Variants in GAK observed in about 807,000 individuals in gnomAD.
GAK encodes cyclin G associated kinase.
A neutral mutation model predicts 143.9 loss-of-function variants in GAK; 79 were observed. The observed-to-expected ratio is 0.55, with a 90% confidence interval of 0.46 to 0.66. GAK has a LOEUF of 0.66. Among genes scored for constraint, GAK ranks in the 30% least tolerant of loss-of-function variants. The pLI, the probability that GAK is intolerant of heterozygous loss-of-function variation, is 0.00. For missense variants in GAK, 1,693 were observed against 1,779.7 expected, an observed-to-expected ratio of 0.95 and a Z score of 0.88; for synonymous variants, 881 against 765.5, an observed-to-expected ratio of 1.15 and a Z score of -2.49.
intron 7 of GAK, among the ~76,000 whole-genome samples, chr4:895,291 A>G (rs1038524879): frequency 6.6e-6 from 1 of 152,260 alleles, no homozygotes; most frequent in East Asian, 1.9e-4. Context: ...CCAATATGTG[A>G]GCCCAGAGAA....
intron 24 of GAK, among the ~76,000 whole-genome samples, chr4:856,398 CCACCACAGCTGCT>C (rs6148269): frequency 0.41 from 35,066 of 85,808 alleles, 6,220 homozygotes; most frequent in South Asian, 0.63. Flanking sequence ...CACCTGCTCA[CCACCACAGCTGCT>C]CACCACAGCT....
intron 7 of GAK, 31 bp downstream of exon 7, chr4:896,429 G>C (rs1268961606): frequency 1.9e-6 from 3 of 1,589,380 alleles, no homozygotes; most frequent in Non-Finnish European, 2.6e-6. Context: ...CACGGAGCCA[G>C]GCACTGCCAC....
chr4:917,276 CAG>C (rs1723219815), intron 1 of GAK, among the ~76,000 whole-genome samples: 1 of 146,996 alleles, frequency 6.8e-6, no homozygotes, highest in Admixed American at 6.8e-5. Flanking sequence ...AGTTAGTGTA[CAG>C]AAAACTCTAG....
At chr4:895,203 G>A (rs1718539222) in intron 7 of GAK, among the ~76,000 whole-genome samples, 1 of 152,178 alleles carries the variant, frequency 6.6e-6, no homozygotes, top group Non-Finnish European at 1.5e-5. Context: ...GGCAGAAGCT[G>A]CAGGAAGCAG....
chr4:876,291 G>A (rs1713852163), intron 18 of GAK, among the ~76,000 whole-genome samples: 1 of 152,246 alleles, frequency 6.6e-6, no homozygotes. Flanking sequence ...GCCCGGGTGT[G>A]AGGGCTAAAT....
At chr4:864,448 G>T (rs542021290) in intron 23 of GAK, among the ~76,000 whole-genome samples, 1 of 152,314 alleles carries the variant, frequency 6.6e-6, no homozygotes, top group South Asian at 2.1e-4. Flanking sequence ...TGGCTTTCTA[G>T]GGGTGTTCGC....
chr4:859,186 G>A (rs754099749), intron 24 of GAK: 59 of 985,266 alleles, frequency 6.0e-5, no homozygotes, highest in African/African-American at 1.4e-4. Context: ...CGCCCGGGCC[G>A]GGCCTGAGGC....
At position 877,704 on chromosome 4, in the gene GAK, G is replaced by C. The variant is rs1199294338; in HGVS notation, c.1767C>G (p.Ser589Arg). ...AVVMTPVPLF[S>R]KQRSGCRPFC... ...AGGGCCTGCAGCCGCTCCTCTGCTT[G>C]CTGAACAGCGGCACGGGTGTCATGA... The change falls in exon 16 of 28, where the codon AGC becomes AGG. Residue 589 changes from serine (S) to arginine (R), a missense_variant. This residue lies in a region of GAK where 871 missense variants were observed against 991.0 expected (regional missense o/e 0.88). Transcript: ENST00000314167. 5 of 1,613,432 alleles carry C rather than the reference G, an allele frequency of 3.1e-6. No individual in the cohort carries two copies. Among genetic ancestry groups the C allele is most frequent in the Non-Finnish European group, 4.2e-6 (5 of 1,179,928 alleles).
intron 4 of GAK, among the ~76,000 whole-genome samples, chr4:905,221 C>A (rs1720839410): frequency 6.6e-6 from 1 of 152,212 alleles, no homozygotes; most frequent in Non-Finnish European, 1.5e-5. Context: ...GGGCCACCCC[C>A]ACACCGTGGA....
intron 1 of GAK, among the ~76,000 whole-genome samples, chr4:921,910 A>C (rs1723977205): frequency 6.6e-6 from 1 of 152,236 alleles, no homozygotes; most frequent in Non-Finnish European, 1.5e-5. Context: ...TGCAGATGGC[A>C]AAGAAGCACT....
intron 19 of GAK, 116 bp downstream of exon 19, chr4:870,595 C>A: frequency 9.5e-7 from 1 of 1,054,154 alleles, no homozygotes; most frequent in Non-Finnish European, 1.4e-6. Flanking sequence ...CTGCTCAGGG[C>A]CTGGGTGCAG....
rs752034665 is a variant in GAK at position 912,771 on chromosome 4, T to C, written c.231A>G (p.Glu77=). 2.7e-5 allele frequency: 44 copies of C among 1,613,718 alleles called. No individual in the cohort carries two copies. Among genetic ancestry groups the C allele is most frequent in the Middle Eastern group, 1.6e-4 (1 of 6,082 alleles). ...ALKRLLSNEE[E]KNRAIIQEVC... ...CTTCTTGAATGATGGCTCTGTTCTT[T>C]TCCTCTTCATTGGATAATAGCCTCT... The change falls in exon 3 of 28, where the codon GAA becomes GAG. Residue 77 remains glutamate (E), a synonymous_variant. Coordinates refer to ENST00000314167, the MANE Select transcript of GAK (RefSeq NM_005255.4).
intron 1 of GAK, chr4:914,161 C>A (rs1394395697): frequency 7.2e-6 from 1 of 138,644 alleles, no homozygotes; most frequent in Non-Finnish European, 1.2e-5. Flanking sequence ...CCCCCACACA[C>A]ACAGCCCCAG....
chr4:884,405 C>T (rs1715831053), intron 11 of GAK: 3 of 318,190 alleles, frequency 9.4e-6, no homozygotes, highest in Admixed American at 4.8e-5. Context: ...CAGGAGTGGG[C>T]TGGGAGAGGG....
rs756368611 is a variant in GAK, at chr4:867,027, G to A, written c.2801C>T (p.Pro934Leu). 1.3e-5 allele frequency: 19 copies of A among 1,501,964 alleles called. No homozygotes were observed. The highest frequency in any genetic ancestry group is 5.4e-5 in the South Asian group (4 of 73,934). 93.0% of individuals were successfully genotyped at this position (1,501,964 alleles called of 1,614,324 possible). A position where few individuals can be genotyped will look rare whatever the true frequency, so the allele number is the denominator to read the frequency against. The change falls in exon 21 of 28, where the codon CCG (proline) becomes CTG (leucine). Residue 934 changes from proline (P) to leucine (L), a missense_variant. Pro to Leu is a moderately conservative substitution (Grantham distance 98, BLOSUM62 -3). Coordinates refer to ENST00000314167, the MANE Select transcript of GAK (RefSeq NM_005255.4). ...AGGGGCCGGGCTTGCCAGGAGCAGC[G>A]GGTCCTCGCTGAGCAGATCCTCCGG... is the stretch of plus-strand genomic sequence containing the variant. ...GPPEDLLSED[P>L]LLLASPAPPL...
At chr4:905,830 G>A (rs776510949) in intron 4 of GAK, among the ~76,000 whole-genome samples, 5 of 152,242 alleles carry the variant, frequency 3.3e-5, no homozygotes, top group South Asian at 2.1e-4. Context: ...CCTGAGTGCC[G>A]CTCCCACCTT....
chr4:891,561 C>A (rs915834133), intron 9 of GAK, among the ~76,000 whole-genome samples: 2 of 152,128 alleles, frequency 1.3e-5, no homozygotes, highest in African/African-American at 4.8e-5. Context: ...TCTGTCCCCA[C>A]GGGGTCCCGG....
At chr4:866,925 A>G (rs759066088) in intron 21 of GAK, 31 bp downstream of exon 21, 4 of 1,416,590 alleles carry the variant, frequency 2.8e-6, no homozygotes, top group Non-Finnish European at 3.8e-6. Flanking sequence ...TCTACTGTGA[A>G]GCCACTCGCC....
In GAK at chr4:867,005, G is replaced by T; in HGVS notation, c.2823C>A (p.Ala941=). ...GGGTGCTCTGCACGCTCAGGGGAGGGGCCGGGCTTGCCAGGAGCAGCGGGT... is the reference window on the plus strand; with the variant it reads ...GGGTGCTCTGCACGCTCAGGGGAGGTGCCGGGCTTGCCAGGAGCAGCGGGT... ...SEDPLLLASP[A]PPLSVQSTPR... is the part of the protein sequence containing the mutation. Residue 941 remains alanine, a synonymous_variant, in exon 21 of 28, where the codon GCC becomes GCA. Transcript: ENST00000314167. 1 of 1,500,686 alleles carries T rather than the reference G, an allele frequency of 6.7e-7. No individual in the cohort carries two copies. The highest frequency in any genetic ancestry group is 8.9e-7 in the Non-Finnish European group (1 of 1,125,340). The allele number at this position is 1,500,686 out of a possible 1,614,324, so 93.0% of individuals were successfully genotyped here. A position where few individuals can be genotyped will look rare whatever the true frequency, so the allele number is the denominator to read the frequency against.
Sources: gnomAD v4.1 joint callset for allele counts (sites outside exome capture counted in the v4.1 genomes callset) on GRCh38, gnomAD v4.1.1 for gene constraint, gnomAD v4.1.1 regional missense constraint, MANE v1.5 for transcripts, NCBI Gene and HGNC (gene_info 2026-07-23, HGNC 2026-07-21) for gene names.